The following CENPW variants were observed in gnomAD, a reference collection of about 807,000 sequenced individuals.
CENPW encodes the protein cancer-up-regulated gene 2 protein.
A neutral mutation model predicts 11.1 loss-of-function variants in CENPW; 3 were observed. The observed-to-expected ratio is 0.27, with a 90% confidence interval of 0.12 to 0.70. The LOEUF is 0.70. CENPW is among the 30% of genes least tolerant of loss of function. The probability of loss-of-function intolerance (pLI) is 0.77; values close to 1 mark genes in which losing one functional copy is unlikely to be tolerated. For missense variants in CENPW, 100 were observed against 105.6 expected (o/e 0.95, Z 0.23); for synonymous variants, 38 against 42.0 (o/e 0.91, Z 0.37).
At chr6:126,395,981 G>T in the CENPW span, among the ~76,000 whole-genome samples, 3 of 152,156 alleles carry the variant, frequency 2.0e-5, no homozygotes, top group Non-Finnish European at 2.9e-5. Flanking sequence ...TGATAGGTCA[G>T]ACCTGAAACC....
chr6:126,417,921 A>G, the CENPW span, among the ~76,000 whole-genome samples: 5 of 152,248 alleles, frequency 3.3e-5, no homozygotes, highest in African/African-American at 9.6e-5. Flanking sequence ...ATTCAATAAT[A>G]TAAGTAACTC....
At chr6:126,412,812 T>A in the CENPW span, among the ~76,000 whole-genome samples, 1 of 152,110 alleles carries the variant, frequency 6.6e-6, no homozygotes, top group Non-Finnish European at 1.5e-5. Flanking sequence ...ATCTTCAAGT[T>A]CTCTTTTCTG....
At chr6:126,451,983 C>T in the CENPW span, among the ~76,000 whole-genome samples, 1 of 150,880 alleles carries the variant, frequency 6.6e-6, no homozygotes, top group African/African-American at 2.4e-5. Context: ...ACCAATAGAC[C>T]CCCCACCCAG....
chr6:126,382,243 A>T, the CENPW span, among the ~76,000 whole-genome samples: 1 of 149,996 alleles, frequency 6.7e-6, no homozygotes, highest in African/African-American at 2.4e-5. Context: ...CTCAAAAAAA[A>T]TATATATATA....
At chr6:126,403,674 GC>G in the CENPW span, among the ~76,000 whole-genome samples, 3 of 152,004 alleles carry the variant, frequency 2.0e-5, no homozygotes, top group Non-Finnish European at 4.4e-5. Context: ...AACAGTAAGT[GC>G]TGATATAGAA....
intron 2 of CENPW, among the ~76,000 whole-genome samples, 158 bp from the exon 3 acceptor site, chr6:126,348,308 T>G (rs1329409863): frequency 3.3e-5 from 5 of 152,006 alleles, no homozygotes; most frequent in Non-Finnish European, 7.4e-5. Flanking sequence ...GACAAAAGAT[T>G]CCCTAATCAC....
At chr6:126,351,097 C>G (rs1048362326), downstream of CENPW, among the ~76,000 whole-genome samples, 2 of 150,716 alleles carry the variant, frequency 1.3e-5, no homozygotes, top group African/African-American at 4.9e-5. Context: ...GATAGTTAAT[C>G]CCACTGCCTT....
chr6:126,400,014 T>C, the CENPW span, among the ~76,000 whole-genome samples: 1 of 152,102 alleles, frequency 6.6e-6, no homozygotes, highest in African/African-American at 2.4e-5. Context: ...CTGATGGACA[T>C]TTGGGTTGCT....
chr6:126,357,487 A>G, the CENPW span, among the ~76,000 whole-genome samples: 1 of 152,172 alleles, frequency 6.6e-6, no homozygotes, highest in Admixed American at 6.5e-5. Flanking sequence ...GGAATAGCAT[A>G]GAATCTGTAA....
At chr6:126,387,584 G>T in the CENPW span, among the ~76,000 whole-genome samples, 1 of 151,966 alleles carries the variant, frequency 6.6e-6, no homozygotes, top group Non-Finnish European at 1.5e-5. Flanking sequence ...CTGCAATATT[G>T]TATGGGCAGA....
the CENPW span, among the ~76,000 whole-genome samples, chr6:126,366,725 A>G: frequency 3.6e-4 from 55 of 152,342 alleles, 1 homozygote; most frequent in African/African-American, 1.1e-3. Context: ...ATTTGAGAGT[A>G]TATCTTAGTC....
the CENPW span, among the ~76,000 whole-genome samples, chr6:126,427,453 AAAAC>A: frequency 6.6e-6 from 1 of 152,130 alleles, no homozygotes; most frequent in African/African-American, 2.4e-5. Context: ...GTGGACACCT[AAAAC>A]ATCTACCAGC....
At chr6:126,417,452 G>C in the CENPW span, among the ~76,000 whole-genome samples, 1 of 152,144 alleles carries the variant, frequency 6.6e-6, no homozygotes, top group African/African-American at 2.4e-5. Context: ...ATTTGGGAGG[G>C]GCCAGGGGAA....
At chr6:126,429,408 C>G in the CENPW span, among the ~76,000 whole-genome samples, 2 of 152,058 alleles carry the variant, frequency 1.3e-5, no homozygotes, top group Non-Finnish European at 2.9e-5. Flanking sequence ...GGTGGATTCC[C>G]CATCCCTTGG....
chr6:126,452,310 T>C, the CENPW span, among the ~76,000 whole-genome samples: 1 of 151,114 alleles, frequency 6.6e-6, no homozygotes, highest in Non-Finnish European at 1.5e-5. Flanking sequence ...ATGACACAGG[T>C]GTTGGAATCA....
At chr6:126,390,442 C>T in the CENPW span, among the ~76,000 whole-genome samples, 1 of 151,920 alleles carries the variant, frequency 6.6e-6, no homozygotes, top group East Asian at 1.9e-4. Flanking sequence ...TCCATCCCCT[C>T]AAGCATTTAT....
chr6:126,428,084 G>A, the CENPW span, among the ~76,000 whole-genome samples: 5 of 152,146 alleles, frequency 3.3e-5, no homozygotes, highest in Admixed American at 6.5e-5. Context: ...GGCAAACTAA[G>A]ATTTTTCAGG....
chr6:126,463,581 AAGG>A, the CENPW span, among the ~76,000 whole-genome samples: 145 of 152,176 alleles, frequency 9.5e-4, no homozygotes, highest in African/African-American at 3.1e-3. Context: ...TCAGGAAAAA[AAGG>A]AGAAGACATA....
the CENPW span, among the ~76,000 whole-genome samples, chr6:126,429,898 A>T: frequency 6.6e-6 from 1 of 152,200 alleles, no homozygotes. Context: ...CTCTCTTACA[A>T]GACAAATGAG....
Sources: allele counts gnomAD v4.1 joint callset (sites outside exome capture counted in the v4.1 genomes callset), GRCh38; gene constraint gnomAD v4.1.1; transcripts MANE v1.5; gene names NCBI Gene and HGNC (gene_info 2026-07-23, HGNC 2026-07-21).